The following KIAA1614 variants were observed in gnomAD, a reference collection of about 807,000 sequenced individuals.
The protein encoded by KIAA1614 is KIAA1614.
KIAA1614 carries 76 observed loss-of-function variants against 88.7 expected under a neutral mutation model. That is an observed-to-expected ratio of 0.86 (90% confidence interval 0.71 to 1.04). The LOEUF (loss-of-function observed/expected upper bound fraction) is 1.04. Among genes scored for constraint, KIAA1614 ranks in the 50% least tolerant of loss-of-function variants. The pLI is 0.00. For synonymous variants in KIAA1614, 714 were observed against 675.5 expected, an observed-to-expected ratio of 1.06 and a Z score of -0.88; for missense variants, 1,553 against 1,582.5, an observed-to-expected ratio of 0.98 and a Z score of 0.32.
rs779252137 is a variant in KIAA1614 at position 180,928,523 on chromosome 1, G to T, written c.1155G>T (p.Arg385=). 6.2e-7 allele frequency: 1 copy of T among 1,612,898 alleles called. No individual in the cohort carries two copies. The highest frequency in any genetic ancestry group is 2.2e-5 in the East Asian group (1 of 44,872). The change falls in exon 4 of 9, where the codon CGG becomes CGT. Residue 385 remains arginine (R), a synonymous_variant. Transcript: ENST00000367588. ...GTGCCCGCATGAAGGCCAGGACCCG[G>T]CCCCTCCGTGCCAGCCATGACATCG... is the stretch of plus-strand genomic sequence containing the variant. ...LQRARMKART[R]PLRASHDIVP... is the part of the protein sequence containing the mutation.
chr1:180,941,006 G>GGGGGGCC, intron 6 of KIAA1614, 39 bp from the exon 7 acceptor site: 1 of 908,442 alleles, frequency 1.1e-6, no homozygotes, highest in Non-Finnish European at 1.5e-6. Flanking sequence ...CACCCTCCCG[G>GGGGGGCC]CCCTCCCCCG....
At chr1:180,920,712 C>T (rs1243487284) in intron 3 of KIAA1614, among the ~76,000 whole-genome samples, 3 of 84,610 alleles carry the variant, frequency 3.5e-5, no homozygotes, top group Admixed American at 2.6e-4. Context: ...AGGCTGGGGG[C>T]GGGCTGGGGG....
Position 180,935,813 on chromosome 1 carries a change from G to A in KIAA1614, c.1904G>A (p.Trp635Ter), listed in dbSNP as rs747801791. 4.3e-6 allele frequency: 7 copies of A among 1,613,708 alleles called. No individual in the cohort carries two copies. The highest frequency in any genetic ancestry group is 1.1e-5 in the South Asian group (1 of 91,066). ...GAGGCGGGGACCTCTCAGGCTGGCT[G>A]GGCGTGTGGGCGGACCCAAGGCAGC... The part of the protein sequence containing the change: ...SEEAGTSQAG[W>*]ACGRTQGSSP... Residue 635 changes from tryptophan (W) to a stop codon, truncating the protein, a stop_gained, in exon 5 of 9, where the codon TGG becomes TAG. Transcript: ENST00000367588. LOFTEE classifies it high-confidence loss of function. This position sits in a 1 kb window ranked among gnomAD's most constrained non-coding sequence, Gnocchi z 6.1.
rs1653806747 is a variant in KIAA1614 at position 180,916,552 on chromosome 1, G to A, written c.449G>A (p.Gly150Glu). 6.2e-7 allele frequency: 1 copy of A among 1,612,776 alleles called. No individual in the cohort carries two copies. The highest frequency in any genetic ancestry group is 1.1e-5 in the South Asian group (1 of 91,052). Residue 150 changes from glycine to glutamate, a missense_variant, in exon 2 of 9, where the codon GGG (glycine) becomes GAG (glutamate). By Grantham distance (98) the Gly-to-Glu change is moderately conservative. Transcript: ENST00000367588. ...CCTCGTACCCAAAACCTGCCTGATG[G>A]GCAGCTGGACGGCAGCATCAATGAG... Reference protein sequence around the residue: ...VAPRTQNLPDGQLDGSINEEQ... With the variant: ...VAPRTQNLPDEQLDGSINEEQ...
At chr1:180,943,788 T>C (rs1254409113) in intron 7 of KIAA1614, among the ~76,000 whole-genome samples, 1 of 151,944 alleles carries the variant, frequency 6.6e-6, no homozygotes. Context: ...CCTCAGGTGA[T>C]CTGCCCGCCT....
Position 180,945,297 on chromosome 1 carries a change from T to A in KIAA1614, c.3288-6T>A, listed in dbSNP as rs759557775. On this transcript the variant is annotated splice_polypyrimidine_tract_variant and splice_region_variant and intron_variant, in intron 8 of 8. Coordinates refer to ENST00000367588, the MANE Select transcript of KIAA1614 (RefSeq NM_020950.2). ...TGCCCTCACTGTGTCTCTGGTTCCC[T>A]CGCAGGCCGGCCAAGACTTCACCAC... is the stretch of plus-strand genomic sequence containing the variant. 1.5e-5 allele frequency: 24 copies of A among 1,578,894 alleles called. No homozygotes were observed. In the Admixed American group the frequency reaches 3.0e-4, roughly 20 times the overall value.
chr1:180,920,793 C>T (rs1036299000), intron 3 of KIAA1614, among the ~76,000 whole-genome samples: 1 of 152,112 alleles, frequency 6.6e-6, no homozygotes, highest in Non-Finnish European at 1.5e-5. Flanking sequence ...GACCCAGGAC[C>T]TTAAAGGCTA....
At position 180,935,389 on chromosome 1, in the gene KIAA1614, C is replaced by T; in HGVS notation, c.1480C>T (p.Leu494Phe). ...DQGPLRSKPD[L>F]ADYINGAPRL... ...GGGCCCCCTGCGCTCCAAGCCCGACCTCGCCGACTACATCAACGGGGCTCC... is the reference window on the plus strand; with the variant it reads ...GGGCCCCCTGCGCTCCAAGCCCGACTTCGCCGACTACATCAACGGGGCTCC... The change falls in exon 5 of 9, where the codon CTC (leucine) becomes TTC (phenylalanine). Residue 494 changes from leucine (L) to phenylalanine (F), a missense_variant. Coordinates refer to ENST00000367588, the MANE Select transcript of KIAA1614 (RefSeq NM_020950.2). This position sits in a 1 kb window ranked among gnomAD's most constrained non-coding sequence, Gnocchi z 6.1. 6.8e-7 allele frequency: 1 copy of T among 1,470,380 alleles called. No individual in the cohort carries two copies. Among genetic ancestry groups the T allele is most frequent in the Non-Finnish European group, 8.9e-7 (1 of 1,117,490 alleles). The allele number at this position is 1,470,380 out of a possible 1,614,324, so 91.1% of individuals were successfully genotyped here. A position where few individuals can be genotyped will look rare whatever the true frequency, so the allele number is the denominator to read the frequency against.
intron 7 of KIAA1614, among the ~76,000 whole-genome samples, chr1:180,942,063 A>AC (rs941670824): frequency 4.4e-5 from 4 of 90,148 alleles, no homozygotes; most frequent in East Asian, 4.8e-4. Context: ...CCCCCTCCCC[A>AC]CCCCCCCAGC....
At chr1:180,930,418 CA>C (rs371535531) in intron 4 of KIAA1614, among the ~76,000 whole-genome samples, 11 of 146,030 alleles carry the variant, frequency 7.5e-5, no homozygotes, top group East Asian at 2.0e-4. Flanking sequence ...AACTCCATCT[CA>C]AAAAAAAAAG....
At chr1:180,923,362 C>T (rs7545466) in intron 3 of KIAA1614, among the ~76,000 whole-genome samples, 39,935 of 152,134 alleles carry the variant, frequency 0.26, 5,961 homozygotes, top group Middle Eastern at 0.34. Flanking sequence ...CCAGCCGTCT[C>T]ATTACCATAC....
In KIAA1614 at chr1:180,941,061, G is replaced by GGC; in HGVS notation, c.2936_2937dup (p.Thr980AlafsTer22). 2 of 1,584,140 alleles carry GGC rather than the reference G, an allele frequency of 1.3e-6. No individual in the cohort carries two copies. The highest frequency in any genetic ancestry group is 1.7e-6 in the Non-Finnish European group (2 of 1,164,212). ...GTGTTTCAGAGCATCAGCAGGAGCT[G>GGC]GCACAGGACCCGGCTCCCCCTCGGC... is the stretch of plus-strand genomic sequence containing the variant. On this transcript the variant is annotated frameshift_variant, in exon 7 of 9. Coordinates refer to ENST00000367588, the MANE Select transcript of KIAA1614 (RefSeq NM_020950.2). LOFTEE classifies it high-confidence loss of function.
Position 180,935,371 on chromosome 1 carries a change from C to G in KIAA1614, c.1462C>G (p.Leu488Val). The G allele has an allele frequency of 6.8e-7, 1 of 1,464,428 alleles. No homozygotes were observed. The highest frequency in any genetic ancestry group is 2.5e-5 in the East Asian group (1 of 40,258). The allele number at this position is 1,464,428 out of a possible 1,614,324, so 90.7% of individuals were successfully genotyped here. The change falls in exon 5 of 9, where the codon CTG becomes GTG. Residue 488 changes from leucine (L) to valine (V), a missense_variant. Transcript: ENST00000367588. This position sits in a 1 kb window ranked among gnomAD's most constrained non-coding sequence, Gnocchi z 6.1. Reference protein sequence around the residue: ...TVLQAADQGPLRSKPDLADYI... With the variant: ...TVLQAADQGPVRSKPDLADYI... ...GTTGCAGGCCGCGGACCAGGGCCCCCTGCGCTCCAAGCCCGACCTCGCCGA... is the reference window on the plus strand; with the variant it reads ...GTTGCAGGCCGCGGACCAGGGCCCCGTGCGCTCCAAGCCCGACCTCGCCGA...
rs950356183 is a variant in KIAA1614 at position 180,948,336 on chromosome 1, A to T, written c.*2748A>T. 1 of 151,840 alleles carries T rather than the reference A, an allele frequency of 6.6e-6. No individual in the cohort carries two copies. Among genetic ancestry groups the T allele is most frequent in the Non-Finnish European group, 1.5e-5 (1 of 67,982 alleles). The allele number at this position is 151,840 out of a possible 1,614,324, so 9.4% of individuals were successfully genotyped here. A position where few individuals can be genotyped will look rare whatever the true frequency, so the allele number is the denominator to read the frequency against. On this transcript the variant is annotated 3_prime_UTR_variant, in exon 9 of 9. Coordinates refer to ENST00000367588, the MANE Select transcript of KIAA1614 (RefSeq NM_020950.2). ...ATTAACTTGCTGGCTTTCACATCCG[A>T]CTCTATATGAGCCTGTGAGAACAGC...
rs1654389583 is a variant in KIAA1614, at chr1:180,938,773, G to GA, written c.2918+63dup. 2.0e-6 allele frequency: 3 copies of GA among 1,519,846 alleles called. No individual in the cohort carries two copies. The East Asian group carries it at 6.8e-5, about 34-fold the overall frequency. The allele number at this position is 1,519,846 out of a possible 1,614,324, so 94.1% of individuals were successfully genotyped here. A position where few individuals can be genotyped will look rare whatever the true frequency, so the allele number is the denominator to read the frequency against. Reference sequence around the variant, plus strand: ...GGTGGGAATGGGGGCTCTGGGAGGGGACAGAGACCCCCTGGAGTGGTGGCA... The same window carrying GA: ...GGTGGGAATGGGGGCTCTGGGAGGGGAACAGAGACCCCCTGGAGTGGTGGCA... On this transcript the variant is annotated intron_variant, in intron 6 of 8. Coordinates refer to ENST00000367588, the MANE Select transcript of KIAA1614 (RefSeq NM_020950.2).
rs1571304246 is a variant in KIAA1614 at position 180,945,897 on chromosome 1, G to C, written c.*309G>C. On this transcript the variant is annotated 3_prime_UTR_variant, in exon 9 of 9. Coordinates refer to ENST00000367588, the MANE Select transcript of KIAA1614 (RefSeq NM_020950.2). ...AGGCGCCTGGATCACCTGAGGTCAG[G>C]AGTTCGAGACCAGTCTGGCCCACAT... 1.2e-6 allele frequency: 1 copy of C among 827,158 alleles called. No individual in the cohort carries two copies. The highest frequency in any genetic ancestry group is 1.5e-6 in the Non-Finnish European group (1 of 652,794). 51.2% of individuals were successfully genotyped at this position (827,158 alleles called of 1,614,324 possible).
intron 1 of KIAA1614, among the ~76,000 whole-genome samples, 170 bp downstream of exon 1, chr1:180,913,463 C>T (rs971314134): frequency 6.6e-6 from 1 of 152,128 alleles, no homozygotes; most frequent in African/African-American, 2.4e-5. Flanking sequence ...TTCGTTTGGC[C>T]CCTCTGAGTT....
intron 5 of KIAA1614, among the ~76,000 whole-genome samples, chr1:180,936,874 T>C (rs1654347865): frequency 6.6e-6 from 1 of 152,170 alleles, no homozygotes; most frequent in Non-Finnish European, 1.5e-5. Flanking sequence ...GATGCAGGAT[T>C]GACCGCCGGC....
chr1:180,916,704 C>G lies in KIAA1614; in HGVS notation c.601C>G (p.Pro201Ala). ...EWTLPDHDRGPLLGPSSLQQS... is the reference protein window; with the variant it reads ...EWTLPDHDRGALLGPSSLQQS... ...GACACTTCCTGACCATGACAGAGGT[C>G]CGCTGCTGGGGCCCAGCTCTTTGCA... Residue 201 changes from proline to alanine, a missense_variant, in exon 2 of 9, where the codon CCG (proline) becomes GCG (alanine). Pro to Ala is a conservative substitution (Grantham distance 27). Coordinates refer to ENST00000367588, the MANE Select transcript of KIAA1614 (RefSeq NM_020950.2). 6.2e-7 allele frequency: 1 copy of G among 1,612,120 alleles called. No individual in the cohort carries two copies.
Sources: gnomAD v4.1 joint callset for allele counts (sites outside exome capture counted in the v4.1 genomes callset) on GRCh38, gnomAD v4.1.1 for gene constraint, Gnocchi (gnomAD v3.1) non-coding constraint, MANE v1.5 for transcripts, NCBI Gene and HGNC (gene_info 2026-07-23, HGNC 2026-07-21) for gene names.